The following PCDHA5 variants were observed in gnomAD, a reference collection of about 807,000 sequenced individuals.
PCDHA5 encodes protocadherin alpha 5, also known as protocadherin alpha-5.
A neutral mutation model predicts 61.6 loss-of-function variants in PCDHA5; 43 were observed. The observed-to-expected ratio is 0.70, with a 90% CI of 0.55 to 0.90. PCDHA5 has a LOEUF of 0.90. Among genes scored for constraint, PCDHA5 ranks in the 40% least tolerant of loss-of-function variants. PCDHA5 has a pLI of 0.00. For synonymous variants in PCDHA5, 627 were observed against 543.9 expected (o/e 1.15, Z -2.13); for missense variants, 1,298 against 1,222.7 (o/e 1.06, Z -0.92).
chr5:140,834,604 T>G (rs2150222794), intron 1 of PCDHA5: 1 of 1,614,158 alleles, frequency 6.2e-7, no homozygotes, highest in South Asian at 1.1e-5. Context: ...CGTGGGGATC[T>G]TCTGGAGGTA....
chr5:140,870,017 G>T, intron 1 of PCDHA5: 1 of 1,613,620 alleles, frequency 6.2e-7, no homozygotes, highest in Non-Finnish European at 8.5e-7. Flanking sequence ...AGGGTCAATG[G>T]AACTTTAGAT....
In PCDHA5 at chr5:140,829,286, T is replaced by C. The variant is rs2150165207; in HGVS notation, c.2352+5159T>C. 13 of 1,614,254 alleles carry C rather than the reference T, an allele frequency of 8.1e-6. No individual in the cohort carries two copies. The African/African-American group carries it at 1.3e-4, about 17-fold the overall frequency. ...GCCTCACGTCCCTTTCAAGCTGGTG[T>C]CCACCTTCAAGAATTACTACTCGTT... is the stretch of plus-strand genomic sequence containing the variant. On this transcript the variant is annotated intron_variant, in intron 1 of 3. Transcript: ENST00000529859.
At chr5:140,962,169 C>T (rs2095662298) in intron 1 of PCDHA5, among the ~76,000 whole-genome samples, 1 of 152,152 alleles carries the variant, frequency 6.6e-6, no homozygotes, top group Non-Finnish European at 1.5e-5. Flanking sequence ...GCCACCACAC[C>T]CGGCCACTTA....
chr5:140,856,831 A>G, intron 1 of PCDHA5: 1 of 1,591,946 alleles, frequency 6.3e-7, no homozygotes, highest in African/African-American at 1.3e-5. Flanking sequence ...CATTAGTAAT[A>G]CGGCTCAACG....
chr5:140,851,414 T>G lies in PCDHA5; in HGVS notation c.2352+27287T>G, dbSNP rs1459113543. ...TCTATTATTTTAATAAGAAAGAAAC[T>G]TCCCCTAAACTTTAGAAAACAGTTG... On this transcript the variant is annotated intron_variant, in intron 1 of 3. Transcript: ENST00000529859. 11 of 961,418 alleles carry G rather than the reference T, an allele frequency of 1.1e-5. No individual in the cohort carries two copies. In the East Asian group the frequency reaches 1.2e-3, roughly 108 times the overall value. 59.6% of individuals were successfully genotyped at this position (961,418 alleles called of 1,614,324 possible). A position where few individuals can be genotyped will look rare whatever the true frequency, so the allele number is the denominator to read the frequency against.
At chr5:140,874,703 A>G (rs782809395) in intron 1 of PCDHA5, among the ~76,000 whole-genome samples, 16 of 152,270 alleles carry the variant, frequency 1.1e-4, no homozygotes, top group Admixed American at 7.2e-4. Flanking sequence ...TATGGAAATG[A>G]GAGCAGTTAT....
intron 1 of PCDHA5, chr5:140,857,801 G>A: frequency 6.3e-7 from 1 of 1,597,726 alleles, no homozygotes; most frequent in Non-Finnish European, 8.6e-7. Flanking sequence ...GCGGTCGGTG[G>A]TTGCGGGTCA....
chr5:140,905,437 C>T (rs190555934), intron 1 of PCDHA5, among the ~76,000 whole-genome samples: 1 of 152,130 alleles, frequency 6.6e-6, no homozygotes, highest in Non-Finnish European at 1.5e-5. Flanking sequence ...ATAACTACAG[C>T]CTTTTAGTAT....
chr5:140,969,424 G>A (rs1554231783), intron 1 of PCDHA5: 1 of 1,558,342 alleles, frequency 6.4e-7, no homozygotes, highest in South Asian at 1.2e-5. Context: ...GTCATTAACA[G>A]TGACAAGAGT....
At chr5:140,826,515 G>A (rs2150144072) in intron 1 of PCDHA5, among the ~76,000 whole-genome samples, 1 of 152,158 alleles carries the variant, frequency 6.6e-6, no homozygotes, top group Non-Finnish European at 1.5e-5. Flanking sequence ...AGATGATCAT[G>A]TCATTTGAAA....
At chr5:140,977,263 TAC>T (rs1466968557) in intron 1 of PCDHA5, among the ~76,000 whole-genome samples, 4 of 152,230 alleles carry the variant, frequency 2.6e-5, no homozygotes, top group Admixed American at 1.3e-4. Flanking sequence ...CAGCAGATGT[TAC>T]AGTCTTTCTC....
At position 140,870,851 on chromosome 5, in the gene PCDHA5, C is replaced by G. The variant is rs1562652583; in HGVS notation, c.2352+46724C>G. ...GCAGTTAACAAGCTAGTACCGCGGT[C>G]GGTGGGTGCGGGCCACGTGGTGGCG... is the stretch of plus-strand genomic sequence containing the variant. On this transcript the variant is annotated intron_variant, in intron 1 of 3. Transcript: ENST00000529859. The G allele has an allele frequency of 1.9e-6, 3 of 1,613,838 alleles. No homozygotes were observed. Among genetic ancestry groups the G allele is most frequent in the Non-Finnish European group, 2.5e-6 (3 of 1,179,894 alleles).
In PCDHA5 at chr5:140,998,789, C is replaced by T. The variant is rs920510450; in HGVS notation, c.2501-10838C>T. On this transcript the variant is annotated intron_variant, in intron 3 of 3. Transcript: ENST00000529859. ...ATGTTGGTCAGGCTGGTCTGGAACC[C>T]CTGACCTCAGGTGATCTGCCTGCCT... 4.6e-5 allele frequency among the ~76,000 whole-genome samples: 7 copies of T among 152,118 alleles called. 1 individual carries two copies. Among genetic ancestry groups the T allele is most frequent in the Admixed American group, 2.6e-4 (4 of 15,262 alleles).
chr5:140,826,149 A>C (rs993174050), intron 1 of PCDHA5, among the ~76,000 whole-genome samples: 2 of 152,246 alleles, frequency 1.3e-5, no homozygotes, highest in Non-Finnish European at 2.9e-5. Flanking sequence ...GAAGTCCTAG[A>C]AATTGAGAAA....
Position 140,856,075 on chromosome 5 carries a change from G to T in PCDHA5, c.2352+31948G>T. 2 of 1,593,334 alleles carry T rather than the reference G, an allele frequency of 1.3e-6. 1 individual carries two copies. The highest frequency in any genetic ancestry group is 1.7e-6 in the Non-Finnish European group (2 of 1,164,466). Reference sequence around the variant, plus strand: ...TGGTTTCCAGATGTAGCTGCCTGGGGGTCCAGTGTCTGCTGCTCTCGCTTC... The same window carrying T: ...TGGTTTCCAGATGTAGCTGCCTGGGTGTCCAGTGTCTGCTGCTCTCGCTTC... On this transcript the variant is annotated intron_variant, in intron 1 of 3. Transcript: ENST00000529859.
chr5:140,983,504 G>A (rs2097054493), intron 3 of PCDHA5, among the ~76,000 whole-genome samples: 1 of 152,160 alleles, frequency 6.6e-6, no homozygotes, highest in Non-Finnish European at 1.5e-5. Flanking sequence ...GCCATAATAT[G>A]CCTAGACACT....
intron 1 of PCDHA5, chr5:140,827,885 TTTC>T (rs1178220618): frequency 1.5e-6 from 1 of 684,818 alleles, no homozygotes; most frequent in Non-Finnish European, 2.5e-6. Context: ...CGTGAATTGA[TTTC>T]TTACCTTTTG....
chr5:140,914,771 ACTTAT>A (rs1394572780), intron 1 of PCDHA5, among the ~76,000 whole-genome samples: 1 of 151,760 alleles, frequency 6.6e-6, no homozygotes, highest in Non-Finnish European at 1.5e-5. Context: ...GAGGTTTATG[ACTTAT>A]CTTATGACCC....
At chr5:140,995,548 C>T (rs1554254718) in intron 3 of PCDHA5, among the ~76,000 whole-genome samples, 2 of 152,200 alleles carry the variant, frequency 1.3e-5, no homozygotes, top group Non-Finnish European at 2.9e-5. Context: ...GGGGCGATCA[C>T]TGTACTGAAT....
Sources: gnomAD v4.1 joint callset for allele counts (sites outside exome capture counted in the v4.1 genomes callset) on GRCh38, gnomAD v4.1.1 for gene constraint, MANE v1.5 for transcripts, NCBI Gene and HGNC (gene_info 2026-07-23, HGNC 2026-07-21) for gene names.